The following MUCL1 variants were observed in gnomAD, a reference collection of about 807,000 sequenced individuals.
The protein encoded by MUCL1 is mucin-like protein 1.
In MUCL1, 11 loss-of-function variants were observed where a neutral mutation model predicts 9.2. That is an observed-to-expected ratio of 1.19 (90% confidence interval 0.75 to 1.97). The LOEUF is 1.97. MUCL1 is among the 30% of genes most tolerant of loss of function. The pLI, the probability that MUCL1 is intolerant of heterozygous loss-of-function variation, is 0.00. For synonymous variants in MUCL1, 48 were observed against 40.5 expected (o/e 1.19, Z -0.71); for missense variants, 144 against 110.9 (o/e 1.30, Z -1.34).
At chr12:54,842,971 A>T (rs1959219839) in intron 1 of MUCL1, among the ~76,000 whole-genome samples, 1 of 152,166 alleles carries the variant, frequency 6.6e-6, no homozygotes, top group South Asian at 2.1e-4. Flanking sequence ...ACACATAAAT[A>T]TTCCCGCTGT....
At chr12:54,846,704 G>C (rs1006959770) in intron 1 of MUCL1, among the ~76,000 whole-genome samples, 2 of 152,148 alleles carry the variant, frequency 1.3e-5, no homozygotes, top group African/African-American at 4.8e-5. Context: ...ATCTTTCCTG[G>C]TGGTAAAATA....
chr12:54,845,946 A>G (rs1000461001), intron 1 of MUCL1, among the ~76,000 whole-genome samples: 5 of 152,132 alleles, frequency 3.3e-5, no homozygotes, highest in African/African-American at 1.2e-4. Flanking sequence ...CAGGTTCAAG[A>G]TCATATACTG....
At chr12:54,836,627 G>T (rs754434066), upstream of MUCL1, among the ~76,000 whole-genome samples, 2 of 151,948 alleles carry the variant, frequency 1.3e-5, no homozygotes, top group Non-Finnish European at 1.5e-5. Context: ...GCTAGTTTTG[G>T]GTTTGGTTTG....
upstream of MUCL1, among the ~76,000 whole-genome samples, chr12:54,838,501 C>G (rs971278374): frequency 1.3e-5 from 2 of 152,188 alleles, no homozygotes; most frequent in African/African-American, 4.8e-5. Flanking sequence ...AAGCTTTCCT[C>G]AATTATTCTC....
intron 1 of MUCL1, among the ~76,000 whole-genome samples, chr12:54,843,109 C>T (rs1959220404): frequency 6.6e-6 from 1 of 152,116 alleles, no homozygotes; most frequent in Non-Finnish European, 1.5e-5. Flanking sequence ...TAAGTACACC[C>T]TGGGATGTTT....
intron 1 of MUCL1, 109 bp from the exon 2 acceptor site, chr12:54,855,007 C>A: frequency 1.1e-6 from 1 of 897,182 alleles, no homozygotes; most frequent in Non-Finnish European, 1.8e-6. Flanking sequence ...ACACCAAGGA[C>A]TGAGGGTCTT....
Position 54,858,378 on chromosome 12 carries a change from A to T in MUCL1, c.*136A>T, listed in dbSNP as rs1211814801. ...ATTTTCTTTCAAATAAAAAATAACT[A>T]TGAGCAACATAAAAATGGTATTTCT... On this transcript the variant is annotated 3_prime_UTR_variant, in exon 4 of 4. Transcript: ENST00000308796. 8 of 1,118,332 alleles carry T rather than the reference A, an allele frequency of 7.2e-6. No individual in the cohort carries two copies. Among genetic ancestry groups the T allele is most frequent in the African/African-American group, 1.6e-5 (1 of 64,134 alleles). 69.3% of individuals were successfully genotyped at this position (1,118,332 alleles called of 1,614,324 possible).
In MUCL1 at chr12:54,854,536, G is replaced by T; in HGVS notation, c.-47G>T. ...AAGTCAGCGCCTTGCCTTCTCTTAG[G>T]CTTTGAAGCATTTTTGTCTGTGCTC... is the stretch of plus-strand genomic sequence containing the variant. On this transcript the variant is annotated 5_prime_UTR_variant, in exon 1 of 4. Transcript: ENST00000308796. 2 of 1,539,976 alleles carry T rather than the reference G, an allele frequency of 1.3e-6. No individual in the cohort carries two copies. The highest frequency in any genetic ancestry group is 2.3e-5 in the East Asian group (1 of 44,276).
chr12:54,854,369 C>T (rs532098162), upstream of MUCL1: 31 of 533,114 alleles, frequency 5.8e-5, no homozygotes, highest in East Asian at 9.1e-4. Context: ...AATTCACAAC[C>T]TTTCCAAAGG....
upstream of MUCL1, among the ~76,000 whole-genome samples, chr12:54,852,762 G>A (rs772216930): frequency 6.6e-6 from 1 of 152,154 alleles, no homozygotes; most frequent in Non-Finnish European, 1.5e-5. Context: ...TTGTTGGGAG[G>A]CCTTACAAAG....
upstream of MUCL1, among the ~76,000 whole-genome samples, chr12:54,852,566 G>A (rs568454894): frequency 6.6e-6 from 1 of 152,258 alleles, no homozygotes; most frequent in Admixed American, 6.5e-5. Flanking sequence ...CACTTTTCCT[G>A]TTTAATCCAC....
At chr12:54,840,949 A>G (rs1959208792) in intron 1 of MUCL1, among the ~76,000 whole-genome samples, 1 of 152,186 alleles carries the variant, frequency 6.6e-6, no homozygotes, top group Non-Finnish European at 1.5e-5. Flanking sequence ...AACCCTCCCC[A>G]GGGATGAAAC....
chr12:54,833,986 T>C (rs185542935), intron 1 of MUCL1, among the ~76,000 whole-genome samples: 101 of 152,282 alleles, frequency 6.6e-4, no homozygotes, highest in African/African-American at 2.4e-3. Flanking sequence ...AAAAGTCTAC[T>C]TAACAGTCGT....
At chr12:54,843,139 T>C (rs181235650) in intron 1 of MUCL1, among the ~76,000 whole-genome samples, 174 of 152,280 alleles carry the variant, frequency 1.1e-3, no homozygotes, top group African/African-American at 3.9e-3. Context: ...TGAAATCACC[T>C]AATCACCTAA....
upstream of MUCL1, among the ~76,000 whole-genome samples, chr12:54,849,795 T>A (rs1959309749): frequency 6.6e-6 from 1 of 152,178 alleles, no homozygotes; most frequent in African/African-American, 2.4e-5. Context: ...TATGCTTGAA[T>A]TTTAGATCCC....
rs375520014 is a variant in MUCL1, at chr12:54,856,931, G to A, written c.223+39G>A. On this transcript the variant is annotated intron_variant, in intron 3 of 3. Coordinates refer to ENST00000308796, the MANE Select transcript of MUCL1 (RefSeq NM_058173.3). ...TCCATCTGTGTGCTTCCTTTATGTG[G>A]CTCCTTGATTCCTTGGGTTCTCTAT... 7 of 1,611,942 alleles carry A rather than the reference G, an allele frequency of 4.3e-6. No individual in the cohort carries two copies. In the African/African-American group the frequency reaches 8.0e-5, roughly 18 times the overall value.
At chr12:54,841,371 C>T (rs534488746) in intron 1 of MUCL1, among the ~76,000 whole-genome samples, 28 of 152,218 alleles carry the variant, frequency 1.8e-4, no homozygotes, top group Non-Finnish European at 3.4e-4. Context: ...AGATGTATTG[C>T]TGGGTCATAT....
upstream of MUCL1, among the ~76,000 whole-genome samples, chr12:54,851,100 T>C (rs1381160721): frequency 6.6e-6 from 1 of 152,192 alleles, no homozygotes. Flanking sequence ...TTTTCTCCTA[T>C]TCTGTAGGTT....
At chr12:54,845,890 G>A (rs1959246845) in intron 1 of MUCL1, among the ~76,000 whole-genome samples, 1 of 152,010 alleles carries the variant, frequency 6.6e-6, no homozygotes, top group Admixed American at 6.6e-5. Context: ...TGTTATTTTT[G>A]ATCCAGTGAG....
Sources: allele counts gnomAD v4.1 joint callset (sites outside exome capture counted in the v4.1 genomes callset), GRCh38; gene constraint gnomAD v4.1.1; transcripts MANE v1.5; gene names NCBI Gene and HGNC (gene_info 2026-07-23, HGNC 2026-07-21).